Variants in SGIP1 observed in about 807,000 individuals in gnomAD.
The protein encoded by SGIP1 is SH3GL interacting endocytic adaptor 1.
A neutral mutation model predicts 107.5 loss-of-function variants in SGIP1; 38 were observed. The observed-to-expected ratio is 0.35, with a 90% CI of 0.27 to 0.46. SGIP1 has a LOEUF of 0.46. Ranked by LOEUF, SGIP1 falls within the 20% of genes least tolerant of loss-of-function variation. The pLI is 1.00. For synonymous variants in SGIP1, 365 were observed against 366.1 expected (o/e 1.00, Z 0.03); for missense variants, 929 against 1,019.5 (o/e 0.91, Z 1.21).
intron 18 of SGIP1, among the ~76,000 whole-genome samples, chr1:66,697,489 A>T (rs2091149663): frequency 6.6e-6 from 1 of 152,204 alleles, no homozygotes; most frequent in East Asian, 1.9e-4. Context: ...TTAAGTATAA[A>T]GAAGGCTTCT....
chr1:66,635,901 A>G, intron 3 of SGIP1, 43 bp from the exon 4 acceptor site: 1 of 1,594,072 alleles, frequency 6.3e-7, no homozygotes, highest in Non-Finnish European at 8.6e-7. Flanking sequence ...GAACAAGCAG[A>G]TCTTTTAACC....
intron 18 of SGIP1, among the ~76,000 whole-genome samples, chr1:66,709,326 A>T (rs1015702469): frequency 2.0e-5 from 3 of 152,030 alleles, no homozygotes; most frequent in East Asian, 1.9e-4. Flanking sequence ...TGTAGCAAGG[A>T]TAACTCACCC....
At chr1:66,574,778 C>T (rs2060829645) in intron 1 of SGIP1, among the ~76,000 whole-genome samples, 1 of 152,110 alleles carries the variant, frequency 6.6e-6, no homozygotes. Flanking sequence ...AAAATTAAGA[C>T]ATTGTAGTCT....
intron 2 of SGIP1, among the ~76,000 whole-genome samples, chr1:66,630,980 G>GGAAGA (rs2074428135): frequency 7.2e-6 from 1 of 138,364 alleles, no homozygotes; most frequent in Admixed American, 7.5e-5. Context: ...AGAGGAAAGA[G>GGAAGA]AGGAAGAAGG....
intron 1 of SGIP1, among the ~76,000 whole-genome samples, chr1:66,540,110 A>G (rs915555761): frequency 6.6e-6 from 1 of 152,264 alleles, no homozygotes; most frequent in African/African-American, 2.4e-5. Context: ...GACGTAAGAA[A>G]AAAATGCTCA....
chr1:66,700,072 G>A (rs911250275), intron 18 of SGIP1, among the ~76,000 whole-genome samples: 1 of 117,264 alleles, frequency 8.5e-6, no homozygotes, highest in Non-Finnish European at 1.8e-5. Context: ...GGGTCACACA[G>A]TCAAAAGAGA....
intron 3 of SGIP1, among the ~76,000 whole-genome samples, chr1:66,634,418 C>G (rs1178629686): frequency 3.3e-5 from 5 of 152,136 alleles, no homozygotes; most frequent in Non-Finnish European, 7.3e-5. Flanking sequence ...CTGAGCAGCA[C>G]CAACTTAAAT....
At chr1:66,554,359 C>A (rs1210749826) in intron 1 of SGIP1, among the ~76,000 whole-genome samples, 2 of 152,130 alleles carry the variant, frequency 1.3e-5, no homozygotes, top group Non-Finnish European at 2.9e-5. Context: ...AGAATAAGGT[C>A]CTTAGCCAAT....
At chr1:66,540,529 C>T (rs1481349568) in intron 1 of SGIP1, among the ~76,000 whole-genome samples, 2 of 152,112 alleles carry the variant, frequency 1.3e-5, no homozygotes, top group Non-Finnish European at 2.9e-5. Context: ...AAAATGGTGG[C>T]TTATAAAGCC....
At chr1:66,703,702 A>C (rs1239261660) in intron 18 of SGIP1, among the ~76,000 whole-genome samples, 2 of 151,086 alleles carry the variant, frequency 1.3e-5, no homozygotes. Context: ...TTTATATATG[A>C]TCTATATCAT....
chr1:66,690,564 C>T (rs914818792), intron 17 of SGIP1: 4 of 353,414 alleles, frequency 1.1e-5, no homozygotes, highest in Admixed American at 9.2e-5. Flanking sequence ...CTGTTCCATA[C>T]AGAGCTATTC....
chr1:66,627,037 A>G (rs1158779561), intron 2 of SGIP1, among the ~76,000 whole-genome samples: 1 of 152,164 alleles, frequency 6.6e-6, no homozygotes, highest in Non-Finnish European at 1.5e-5. Context: ...CTACTACATA[A>G]ATTATTGTTT....
chr1:66,613,182 C>T (rs2068400168), intron 1 of SGIP1, among the ~76,000 whole-genome samples: 1 of 152,132 alleles, frequency 6.6e-6, no homozygotes, highest in East Asian at 1.9e-4. Flanking sequence ...AAATTAATTA[C>T]TATTTCCCTG....
At chr1:66,621,900 G>T (rs1355934600) in intron 1 of SGIP1, among the ~76,000 whole-genome samples, 1 of 152,132 alleles carries the variant, frequency 6.6e-6, no homozygotes, top group African/African-American at 2.4e-5. Flanking sequence ...AAAATAATTA[G>T]AAACTAAATG....
chr1:66,625,269 G>C (rs2072369020), intron 1 of SGIP1, among the ~76,000 whole-genome samples: 1 of 152,190 alleles, frequency 6.6e-6, no homozygotes, highest in Non-Finnish European at 1.5e-5. Context: ...CATTTCAACT[G>C]TAAGTAAGGA....
At chr1:66,733,271 CTTAG>C (rs1269811074) in intron 20 of SGIP1, among the ~76,000 whole-genome samples, 4 of 152,136 alleles carry the variant, frequency 2.6e-5, no homozygotes, top group African/African-American at 9.7e-5. Flanking sequence ...CTCTTTTCTG[CTTAG>C]TTGGTGATAA....
At chr1:66,664,725 T>C (rs980364114) in intron 8 of SGIP1, among the ~76,000 whole-genome samples, 3 of 152,216 alleles carry the variant, frequency 2.0e-5, no homozygotes, top group Non-Finnish European at 2.9e-5. Flanking sequence ...TTTGTGTTTG[T>C]GCTCCTAGTT....
intron 7 of SGIP1, among the ~76,000 whole-genome samples, chr1:66,651,956 A>G (rs1379137392): frequency 2.0e-5 from 3 of 152,202 alleles, no homozygotes; most frequent in East Asian, 1.9e-4. Context: ...GCTATGTTTT[A>G]TAAATGCCCA....
chr1:66,586,831 G>A (rs1326288880), intron 1 of SGIP1, among the ~76,000 whole-genome samples: 1 of 151,842 alleles, frequency 6.6e-6, no homozygotes, highest in Non-Finnish European at 1.5e-5. Flanking sequence ...TCTATTTAGA[G>A]CATCTCCTTT....
Sources: allele counts gnomAD v4.1 joint callset (sites outside exome capture counted in the v4.1 genomes callset), GRCh38; gene constraint gnomAD v4.1.1; transcripts MANE v1.5; gene names NCBI Gene and HGNC (gene_info 2026-07-23, HGNC 2026-07-21).